Variants in SMAD1 observed in about 807,000 individuals in gnomAD.
SMAD1 encodes MAD, mothers against decapentaplegic homolog 1.
In SMAD1, 6 loss-of-function variants were observed where a neutral mutation model predicts 41.6. The observed-to-expected ratio is 0.14, with a 90% CI of 0.08 to 0.28. The LOEUF is 0.28. Ranked by LOEUF, SMAD1 falls within the 10% of genes least tolerant of loss-of-function variation. The pLI, the probability that SMAD1 is intolerant of heterozygous loss-of-function variation, is 1.00. For synonymous variants in SMAD1, 206 were observed against 203.2 expected, an observed-to-expected ratio of 1.01 and a Z score of -0.12; for missense variants, 379 against 582.6, an observed-to-expected ratio of 0.65 and a Z score of 3.60.
intron 1 of SMAD1, among the ~76,000 whole-genome samples, chr4:145,498,441 T>C (rs554967438): frequency 6.6e-6 from 1 of 152,344 alleles, no homozygotes; most frequent in East Asian, 1.9e-4. Context: ...CACCTGTTGG[T>C]CATAATGCTG....
At chr4:145,493,806 T>C (rs1728905560) in intron 1 of SMAD1, among the ~76,000 whole-genome samples, 1 of 152,212 alleles carries the variant, frequency 6.6e-6, no homozygotes. Flanking sequence ...TAGAGAAAAC[T>C]GTAAGTCATT....
intron 2 of SMAD1, among the ~76,000 whole-genome samples, chr4:145,527,673 A>G (rs996911616): frequency 6.6e-6 from 1 of 152,018 alleles, no homozygotes; most frequent in African/African-American, 2.4e-5. Flanking sequence ...GCTGCTAACC[A>G]CTGTGCTATA....
At chr4:145,552,672 A>G (rs924858964) in intron 5 of SMAD1, among the ~76,000 whole-genome samples, 8 of 152,120 alleles carry the variant, frequency 5.3e-5, no homozygotes, top group African/African-American at 1.7e-4. Context: ...GCTTTCGGCA[A>G]TACTTCTTCC....
In SMAD1 at chr4:145,518,069, A is replaced by AGTCCC. The variant is rs1486018646; in HGVS notation, c.400+3057_400+3061dup. Among the ~76,000 whole-genome samples the AGTCCC allele has an allele frequency of 5.5e-5, 7 of 126,674 alleles. 2 individuals carry two copies. The highest frequency in any genetic ancestry group is 1.2e-4 in the Non-Finnish European group (6 of 51,416). The allele number at this position is 126,674 out of a possible 152,430, so 83.1% of individuals were successfully genotyped here. A position where few individuals can be genotyped will look rare whatever the true frequency, so the allele number is the denominator to read the frequency against. ...CTTTTTCCAGAGACCACTATGAAGCAGTCCCTGTACCTTCTGAAGAGAAAC... is the reference window on the plus strand; with the variant it reads ...CTTTTTCCAGAGACCACTATGAAGCAGTCCCGTCCCTGTACCTTCTGAAGAGAAAC... On this transcript the variant is annotated intron_variant, in intron 2 of 6. Transcript: ENST00000302085.
Position 145,548,160 on chromosome 4 carries a change from A to G in SMAD1, c.997+1236A>G, listed in dbSNP as rs372895101. 4.3e-4 allele frequency among the ~76,000 whole-genome samples: 65 copies of G among 152,248 alleles called. 1 individual carries two copies. The South Asian group carries it at 0.012, about 27-fold the overall frequency. ...GCCTTCCACTGGCCAACTCTCAGAC[A>G]ATTTGAGCTCCAAAATAATTACAGT... On this transcript the variant is annotated intron_variant, in intron 5 of 6. Transcript: ENST00000302085.
At chr4:145,501,641 C>G (rs1479049242) in intron 1 of SMAD1, among the ~76,000 whole-genome samples, 4 of 137,538 alleles carry the variant, frequency 2.9e-5, no homozygotes, top group Non-Finnish European at 4.8e-5. Context: ...ATTTTTGTTT[C>G]TTTTTTTTTT....
In SMAD1 at chr4:145,482,931, T is replaced by A. The variant is rs577743869; in HGVS notation, c.-177+893T>A. 1 of 152,360 alleles carries A rather than the reference T, an allele frequency of 6.6e-6. No individual in the cohort carries two copies. Among genetic ancestry groups the A allele is most frequent in the South Asian group, 2.1e-4 (1 of 4,802 alleles). 9.4% of individuals were successfully genotyped at this position (152,360 alleles called of 1,614,324 possible). A position where few individuals can be genotyped will look rare whatever the true frequency, so the allele number is the denominator to read the frequency against. On this transcript the variant is annotated intron_variant, in intron 1 of 6. Coordinates refer to ENST00000302085, the MANE Select transcript of SMAD1 (RefSeq NM_005900.3). This position sits in a 1 kb window ranked among gnomAD's most constrained non-coding sequence, Gnocchi z 4.2. ...GGGTGGTGGGCGTGAGAGACAGATG[T>A]GGGCTTGTTTTTCTAGTTGCTGAAA...
Position 145,542,648 on chromosome 4 carries a change from T to G in SMAD1, c.725T>G (p.Met242Arg), listed in dbSNP as rs1190518044. Residue 242 changes from methionine (M) to arginine (R), a missense_variant, in exon 4 of 7, where the codon ATG becomes AGG. Physicochemically the swap from Met to Arg is moderately conservative, Grantham distance 91. This residue lies in a region of SMAD1 where 208 missense variants were observed against 210.5 expected (regional missense o/e 0.99). Coordinates refer to ENST00000302085, the MANE Select transcript of SMAD1 (RefSeq NM_005900.3). ...ATGACCCAGGATGGCTCTCAGCCGATGGACACAAACATGATGGCGCCTCCC... is the reference window on the plus strand; with the variant it reads ...ATGACCCAGGATGGCTCTCAGCCGAGGGACACAAACATGATGGCGCCTCCC... ...DPMTQDGSQP[M>R]DTNMMAPPLP... The G allele has an allele frequency of 6.2e-7, 1 of 1,613,558 alleles. No individual in the cohort carries two copies. The highest frequency in any genetic ancestry group is 1.7e-5 in the Admixed American group (1 of 59,918).
At chr4:145,513,167 T>C (rs1730184797) in intron 1 of SMAD1, 1 of 152,260 alleles carries the variant, frequency 6.6e-6, no homozygotes, top group Non-Finnish European at 1.5e-5. Flanking sequence ...GCTCATAGCA[T>C]AGCTATTGGC....
intron 2 of SMAD1, among the ~76,000 whole-genome samples, chr4:145,523,388 A>G (rs1730860079): frequency 6.6e-6 from 1 of 152,170 alleles, no homozygotes; most frequent in Admixed American, 6.5e-5. Context: ...GATGGGATAT[A>G]TGTGTATGTT....
In SMAD1 at chr4:145,558,025, G is replaced by A; in HGVS notation, c.*91G>A. The A allele has an allele frequency of 2.1e-6, 2 of 944,364 alleles. No homozygotes were observed. The highest frequency in any genetic ancestry group is 3.0e-6 in the Non-Finnish European group (2 of 673,858). The allele number at this position is 944,364 out of a possible 1,614,324, so 58.5% of individuals were successfully genotyped here. On this transcript the variant is annotated 3_prime_UTR_variant, in exon 7 of 7. Transcript: ENST00000302085. ...CAGACACGATTGAGAACTGACAAAG[G>A]AGCCTTGATAATACTTGACCTCTGT...
chr4:145,546,895 T>C lies in SMAD1; in HGVS notation c.968T>C (p.Ile323Thr). 1.9e-6 allele frequency: 3 copies of C among 1,614,138 alleles called. No individual in the cohort carries two copies. The highest frequency in any genetic ancestry group is 2.5e-6 in the Non-Finnish European group (3 of 1,179,980). The change falls in exon 5 of 7, where the codon ATT (isoleucine) becomes ACT (threonine). Residue 323 changes from isoleucine (I) to threonine (T), a missense_variant. Transcript: ENST00000302085. Reference protein sequence around the residue: ...LLSNVNRNSTIENTRRHIGKG... With the variant: ...LLSNVNRNSTTENTRRHIGKG... Reference sequence around the variant, plus strand: ...TCCAATGTTAACCGGAATTCCACTATTGAAAACACCAGGCGGCATATTGGA... The same window carrying C: ...TCCAATGTTAACCGGAATTCCACTACTGAAAACACCAGGCGGCATATTGGA...
At position 145,557,950 on chromosome 4, in the gene SMAD1, T is replaced by A; in HGVS notation, c.*16T>A. ...TGTATCTTAAATGGCCCCAGGCATCTGCCTCTGGAAAACTATTGAGCCTTG... is the reference window on the plus strand; with the variant it reads ...TGTATCTTAAATGGCCCCAGGCATCAGCCTCTGGAAAACTATTGAGCCTTG... On this transcript the variant is annotated 3_prime_UTR_variant, in exon 7 of 7. Transcript: ENST00000302085. The A allele has an allele frequency of 6.3e-7, 1 of 1,587,422 alleles. No individual in the cohort carries two copies. The highest frequency in any genetic ancestry group is 8.6e-7 in the Non-Finnish European group (1 of 1,164,154).
intron 5 of SMAD1, among the ~76,000 whole-genome samples, 193 bp from the exon 6 acceptor site, chr4:145,553,591 A>C (rs936738923): frequency 6.6e-6 from 1 of 152,156 alleles, no homozygotes; most frequent in South Asian, 2.1e-4. Flanking sequence ...CTGGTTTCTA[A>C]CAGGCCACGG....
intron 2 of SMAD1, among the ~76,000 whole-genome samples, chr4:145,524,180 C>T (rs934893610): frequency 6.6e-6 from 1 of 152,070 alleles, no homozygotes; most frequent in African/African-American, 2.4e-5. Context: ...TTGGCATTGG[C>T]TTATGGTTGA....
At chr4:145,515,037 T>C (rs1331553552) in intron 2 of SMAD1, 24 bp downstream of exon 2, 1 of 1,566,588 alleles carries the variant, frequency 6.4e-7, no homozygotes, top group Non-Finnish European at 8.7e-7. Flanking sequence ...TTTATGTTGA[T>C]GTGCTTTGTG....
intron 2 of SMAD1, among the ~76,000 whole-genome samples, chr4:145,530,755 A>T (rs564686055): frequency 1.2e-4 from 18 of 152,188 alleles, no homozygotes; most frequent in African/African-American, 4.1e-4. Context: ...AACAAACAGA[A>T]GGATGGAAAA....
chr4:145,525,068 C>T (rs762715760), intron 2 of SMAD1, among the ~76,000 whole-genome samples: 18 of 152,018 alleles, frequency 1.2e-4, no homozygotes, highest in Non-Finnish European at 2.4e-4. Context: ...TGGGAGTGCC[C>T]GGTGGCCTTG....
At chr4:145,507,413 T>G (rs1430225851) in intron 1 of SMAD1, among the ~76,000 whole-genome samples, 1 of 152,062 alleles carries the variant, frequency 6.6e-6, no homozygotes, top group Non-Finnish European at 1.5e-5. Flanking sequence ...TATTACGTAG[T>G]CTTTATGAAC....
Sources: gnomAD v4.1 joint callset for allele counts (sites outside exome capture counted in the v4.1 genomes callset) on GRCh38, gnomAD v4.1.1 for gene constraint, gnomAD v4.1.1 regional missense constraint, Gnocchi (gnomAD v3.1) non-coding constraint, MANE v1.5 for transcripts, NCBI Gene and HGNC (gene_info 2026-07-23, HGNC 2026-07-21) for gene names.